Variants in CPQ observed in about 807,000 individuals in gnomAD.
The protein encoded by CPQ is carboxypeptidase Q, also known as Ser-Met dipeptidase.
CPQ carries 37 observed loss-of-function variants against 45.7 expected under a neutral mutation model. The ratio of observed to expected loss-of-function variants is 0.81; its 90% confidence interval spans 0.62 to 1.07. The LOEUF (loss-of-function observed/expected upper bound fraction) is 1.07, where lower values mean the gene tolerates loss of function less well. Among genes scored for constraint, CPQ ranks in the 50% least tolerant of loss-of-function variants. The pLI is 0.00. For missense variants in CPQ, 537 were observed against 572.9 expected, an observed-to-expected ratio of 0.94 and a Z score of 0.64; for synonymous variants, 186 against 205.8, an observed-to-expected ratio of 0.90 and a Z score of 0.82.
chr8:96,745,485 T>A (rs527519539), intron 1 of CPQ, among the ~76,000 whole-genome samples: 2 of 152,342 alleles, frequency 1.3e-5, no homozygotes, highest in South Asian at 4.1e-4. Context: ...ACCTTATTCC[T>A]TGAGCAGCTG....
intron 2 of CPQ, among the ~76,000 whole-genome samples, chr8:96,786,804 C>T (rs1023146686): frequency 5.3e-5 from 8 of 152,070 alleles, no homozygotes; most frequent in African/African-American, 1.7e-4. Context: ...TGTTCTTACT[C>T]GCCATTTGTT....
At chr8:97,002,893 T>C (rs1192934311) in intron 5 of CPQ, among the ~76,000 whole-genome samples, 1 of 152,208 alleles carries the variant, frequency 6.6e-6, no homozygotes, top group Non-Finnish European at 1.5e-5. Flanking sequence ...TGGTGCAGTC[T>C]AAGTCTCCTT....
chr8:97,059,424 G>A (rs1006368037), intron 6 of CPQ, among the ~76,000 whole-genome samples: 1 of 152,100 alleles, frequency 6.6e-6, no homozygotes, highest in African/African-American at 2.4e-5. Flanking sequence ...GCAGCCAGTT[G>A]AGCTATCAAA....
chr8:96,824,172 C>G (rs183871543), intron 2 of CPQ, among the ~76,000 whole-genome samples: 1 of 152,006 alleles, frequency 6.6e-6, no homozygotes, highest in Non-Finnish European at 1.5e-5. Flanking sequence ...GTTGCTCTCT[C>G]TCCATCTCTT....
intron 3 of CPQ, among the ~76,000 whole-genome samples, chr8:96,868,966 ATATAC>A (rs1469207527): frequency 6.6e-6 from 1 of 151,972 alleles, no homozygotes; most frequent in Non-Finnish European, 1.5e-5. Context: ...TTTAAAACAA[ATATAC>A]TAGAATGTAT....
At chr8:96,936,677 GTA>G (rs2130317139) in intron 4 of CPQ, among the ~76,000 whole-genome samples, 1 of 152,236 alleles carries the variant, frequency 6.6e-6, no homozygotes, top group African/African-American at 2.4e-5. Context: ...TATTTGGAAA[GTA>G]TATGAAAACA....
At chr8:96,683,931 G>A (rs1809188380) in intron 1 of CPQ, among the ~76,000 whole-genome samples, 1 of 151,940 alleles carries the variant, frequency 6.6e-6, no homozygotes, top group Non-Finnish European at 1.5e-5. Context: ...TTATCATTCA[G>A]CTCATGAATT....
At chr8:97,134,233 GGGGTGAAAAAGC>G (rs1812008068) in intron 7 of CPQ, among the ~76,000 whole-genome samples, 2 of 152,218 alleles carry the variant, frequency 1.3e-5, no homozygotes, top group African/African-American at 4.8e-5. Context: ...ATTGAGGATT[GGGGTGAAAAAGC>G]CCCTGCTCTT....
intron 1 of CPQ, among the ~76,000 whole-genome samples, chr8:96,674,931 A>G (rs959614661): frequency 4.6e-5 from 7 of 152,104 alleles, no homozygotes; most frequent in South Asian, 2.1e-4. Context: ...CACAATGACT[A>G]TTGAAACACC....
chr8:97,025,855 C>T (rs10107707), intron 5 of CPQ, among the ~76,000 whole-genome samples: 21,303 of 152,152 alleles, frequency 0.14, 3,643 homozygotes, highest in African/African-American at 0.41. Context: ...GATGTCCTTA[C>T]ATCAATTGTC....
chr8:96,725,748 AAAAT>A (rs1809828548), intron 1 of CPQ, among the ~76,000 whole-genome samples: 1 of 152,218 alleles, frequency 6.6e-6, no homozygotes. Context: ...TACCCAAAAG[AAAAT>A]AAATCATTTT....
At chr8:96,717,518 C>T (rs938224117) in intron 1 of CPQ, among the ~76,000 whole-genome samples, 1 of 152,064 alleles carries the variant, frequency 6.6e-6, no homozygotes, top group Non-Finnish European at 1.5e-5. Flanking sequence ...ATGATTTATT[C>T]TTTTCGCTTA....
chr8:97,130,179 A>T (rs936461809), intron 7 of CPQ, among the ~76,000 whole-genome samples: 2 of 152,232 alleles, frequency 1.3e-5, no homozygotes, highest in African/African-American at 4.8e-5. Context: ...AGTAAAGGAC[A>T]GCACGCTTTC....
intron 1 of CPQ, among the ~76,000 whole-genome samples, chr8:96,671,076 T>C (rs1250792858): frequency 1.3e-5 from 2 of 152,226 alleles, no homozygotes; most frequent in Non-Finnish European, 2.9e-5. Flanking sequence ...TATTCTTTCT[T>C]ATAACTCAAT....
chr8:96,986,139 A>C (rs1396591526), intron 5 of CPQ, among the ~76,000 whole-genome samples: 1 of 152,138 alleles, frequency 6.6e-6, no homozygotes, highest in Non-Finnish European at 1.5e-5. Context: ...TTCTTGACCC[A>C]AGTTGCAGCA....
chr8:96,867,586 A>G (rs79432344), intron 3 of CPQ, among the ~76,000 whole-genome samples: 6,508 of 152,028 alleles, frequency 0.043, 241 homozygotes, highest in African/African-American at 0.092. Flanking sequence ...AAGTCAAGAA[A>G]AACATAACAT....
chr8:96,695,462 C>T (rs1361603374), intron 1 of CPQ, among the ~76,000 whole-genome samples: 1 of 151,444 alleles, frequency 6.6e-6, no homozygotes, highest in African/African-American at 2.4e-5. Context: ...AACTAAAGAG[C>T]TTCTGCACAG....
At chr8:96,997,564 T>C (rs556828180) in intron 5 of CPQ, among the ~76,000 whole-genome samples, 15 of 152,124 alleles carry the variant, frequency 9.9e-5, no homozygotes, top group Non-Finnish European at 1.8e-4. Context: ...AGTTGAGAGA[T>C]GCATCTTTGA....
intron 7 of CPQ, among the ~76,000 whole-genome samples, chr8:97,102,031 T>A (rs1811321275): frequency 6.6e-6 from 1 of 151,324 alleles, no homozygotes; most frequent in Non-Finnish European, 1.5e-5. Context: ...AAGACCTGCT[T>A]GCTGCTCTGA....
Sources: allele counts gnomAD v4.1 joint callset (sites outside exome capture counted in the v4.1 genomes callset), GRCh38; gene constraint gnomAD v4.1.1; transcripts MANE v1.5; gene names NCBI Gene and HGNC (gene_info 2026-07-23, HGNC 2026-07-21).